Variants in NCKAP5 observed in about 807,000 individuals in gnomAD.
NCKAP5 encodes NCK associated protein 5, also known as nck-associated protein 5.
A neutral mutation model predicts 167.0 loss-of-function variants in NCKAP5; 92 were observed. The observed-to-expected ratio is 0.55, with a 90% CI of 0.47 to 0.66. NCKAP5 has a LOEUF of 0.66. Among genes scored for constraint, NCKAP5 ranks in the 30% least tolerant of loss-of-function variants. The pLI is 0.00. For missense variants in NCKAP5, 2,378 were observed against 2,315.0 expected, an observed-to-expected ratio of 1.03 and a Z score of -0.56; for synonymous variants, 891 against 877.4, an observed-to-expected ratio of 1.02 and a Z score of -0.27.
intron 7 of NCKAP5, among the ~76,000 whole-genome samples, chr2:132,973,358 A>G (rs2076889151): frequency 6.6e-6 from 1 of 152,196 alleles, no homozygotes; most frequent in Admixed American, 6.5e-5. Context: ...ATCTAGCCCC[A>G]TTTTCAGTAA....
intron 2 of NCKAP5, among the ~76,000 whole-genome samples, chr2:133,546,330 CG>C (rs1338402562): frequency 6.6e-6 from 1 of 152,126 alleles, no homozygotes; most frequent in East Asian, 1.9e-4. Flanking sequence ...ATTTTCAAAA[CG>C]GTAGAAAGGG....
At chr2:133,287,193 A>C (rs969626311) in intron 4 of NCKAP5, among the ~76,000 whole-genome samples, 7 of 152,138 alleles carry the variant, frequency 4.6e-5, no homozygotes, top group Non-Finnish European at 1.0e-4. Flanking sequence ...TGTCAAGCAA[A>C]CATCTCCAAT....
chr2:132,946,632 C>G (rs916359893), intron 8 of NCKAP5, among the ~76,000 whole-genome samples: 1 of 152,144 alleles, frequency 6.6e-6, no homozygotes, highest in Non-Finnish European at 1.5e-5. Context: ...TGCTGTGGCT[C>G]ACACCGGTAA....
Position 132,783,852 on chromosome 2 carries a change from C to T in NCKAP5, c.2959G>A (p.Ala987Thr). Residue 987 changes from alanine (A) to threonine (T), a missense_variant, in exon 14 of 20, where the codon GCC (alanine) becomes ACC (threonine). Around this residue, in one of 3 missense-constraint regions of NCKAP5, gnomAD observed 1,325 missense variants for 1,274.5 expected, o/e 1.04. Coordinates refer to ENST00000409261, the MANE Select transcript of NCKAP5 (RefSeq NM_207363.3). Reference sequence around the variant, plus strand: ...TTCTTCCTCTGCACTTCTGTCGTGGCCGGATTAGAAGAAATAACTGGAGCA... The same window carrying T: ...TTCTTCCTCTGCACTTCTGTCGTGGTCGGATTAGAAGAAATAACTGGAGCA... ...ISAPVISSNP[A>T]TTEVQRKKPS... The T allele has an allele frequency of 1.3e-6, 2 of 1,529,994 alleles. No individual in the cohort carries two copies. The highest frequency in any genetic ancestry group is 1.8e-6 in the Non-Finnish European group (2 of 1,140,486). 94.8% of individuals were successfully genotyped at this position (1,529,994 alleles called of 1,614,324 possible).
the NCKAP5 span, among the ~76,000 whole-genome samples, chr2:133,610,172 C>A: frequency 6.6e-6 from 1 of 152,050 alleles, no homozygotes; most frequent in Non-Finnish European, 1.5e-5. Flanking sequence ...TCCTTAATAC[C>A]ATGAGAAAGA....
chr2:133,471,769 C>G (rs534785874), intron 3 of NCKAP5, among the ~76,000 whole-genome samples: 1 of 152,124 alleles, frequency 6.6e-6, no homozygotes, highest in Non-Finnish European at 1.5e-5. Flanking sequence ...CTCCCCTTGT[C>G]CTGACCAAAT....
chr2:132,865,728 G>A (rs1444235040), intron 10 of NCKAP5, among the ~76,000 whole-genome samples: 2 of 152,192 alleles, frequency 1.3e-5, no homozygotes, highest in African/African-American at 4.8e-5. Context: ...GAGGAAGAAT[G>A]AGGGAGTGGG....
chr2:133,466,966 T>G (rs988517863), intron 3 of NCKAP5, among the ~76,000 whole-genome samples: 2 of 152,162 alleles, frequency 1.3e-5, no homozygotes, highest in African/African-American at 4.8e-5. Context: ...CAGGGACAAT[T>G]TGACTTCCTC....
intron 6 of NCKAP5, among the ~76,000 whole-genome samples, chr2:133,085,684 T>C (rs1170119893): frequency 6.6e-6 from 1 of 152,154 alleles, no homozygotes; most frequent in Non-Finnish European, 1.5e-5. Context: ...GCATGTGTTA[T>C]AGGTCCTTGA....
At chr2:132,893,233 T>C (rs1692868220) in intron 8 of NCKAP5, among the ~76,000 whole-genome samples, 1 of 152,182 alleles carries the variant, frequency 6.6e-6, no homozygotes. Flanking sequence ...ACACCCATTT[T>C]AGGATACTTT....
intron 3 of NCKAP5, among the ~76,000 whole-genome samples, chr2:133,498,252 G>A (rs1195213192): frequency 6.6e-6 from 1 of 152,148 alleles, no homozygotes; most frequent in Non-Finnish European, 1.5e-5. Context: ...GTTAGGGTCA[G>A]AGCAAACTGC....
chr2:132,758,016 T>C (rs948954657), intron 16 of NCKAP5, among the ~76,000 whole-genome samples: 4 of 152,182 alleles, frequency 2.6e-5, no homozygotes, highest in Non-Finnish European at 5.9e-5. Context: ...AACTTCCCCC[T>C]TTCCTCCACC....
rs549539709 is a variant in NCKAP5, at chr2:133,128,584, ATCTC to A, written c.341+1390_341+1393del. On this transcript the variant is annotated intron_variant, in intron 6 of 19. Transcript: ENST00000409261. ...ATTCTTTGAAAGAGAGATTCTAGTG[ATCTC>A]TCTCTCTCTCTTTTTTTTTTTGTTT... Among the ~76,000 whole-genome samples, 578 of 149,946 alleles carry A rather than the reference ATCTC, an allele frequency of 3.9e-3. 1 individual carries two copies. The highest frequency in any genetic ancestry group is 6.8e-3 in the Middle Eastern group (2 of 294).
rs1351842122 is a variant in NCKAP5 at position 132,949,389 on chromosome 2, C to G, written c.579+14331G>C. Among the ~76,000 whole-genome samples the G allele has an allele frequency of 2.0e-5, 3 of 152,150 alleles. No homozygotes were observed. The East Asian group carries it at 5.8e-4, about 29-fold the overall frequency. The stretch of plus-strand genomic sequence containing the variant: ...CCACACCACCTCCAACCAGCTCTCT[C>G]TCACTCTCACATGAAGGGCCCCTGT... On this transcript the variant is annotated intron_variant, in intron 8 of 19. Coordinates refer to ENST00000409261, the MANE Select transcript of NCKAP5 (RefSeq NM_207363.3).
intron 4 of NCKAP5, among the ~76,000 whole-genome samples, chr2:133,247,893 T>C (rs1362419033): frequency 6.6e-6 from 1 of 152,220 alleles, no homozygotes; most frequent in African/African-American, 2.4e-5. Context: ...TATTTTCATA[T>C]GTGACTATAC....
intron 16 of NCKAP5, among the ~76,000 whole-genome samples, chr2:132,748,466 G>A (rs1055810438): frequency 6.6e-6 from 1 of 152,124 alleles, no homozygotes; most frequent in African/African-American, 2.4e-5. Context: ...TGAGTTTATG[G>A]CAACACTTTT....
chr2:133,439,490 T>G (rs1690699035), intron 3 of NCKAP5, among the ~76,000 whole-genome samples: 1 of 152,232 alleles, frequency 6.6e-6, no homozygotes, highest in Non-Finnish European at 1.5e-5. Flanking sequence ...CAATGCCGTT[T>G]ATTTACATGA....
intron 3 of NCKAP5, among the ~76,000 whole-genome samples, chr2:133,512,203 A>G (rs1344083810): frequency 6.6e-6 from 1 of 152,188 alleles, no homozygotes; most frequent in Non-Finnish European, 1.5e-5. Context: ...AACATACTCT[A>G]TGTCAATATT....
intron 19 of NCKAP5, among the ~76,000 whole-genome samples, chr2:132,693,957 C>A (rs951799918): frequency 6.6e-6 from 1 of 151,970 alleles, no homozygotes; most frequent in African/African-American, 2.4e-5. Context: ...TCGTTTATGG[C>A]AGCTCCTGGG....
Sources: gnomAD v4.1 joint callset for allele counts (sites outside exome capture counted in the v4.1 genomes callset) on GRCh38, gnomAD v4.1.1 for gene constraint, gnomAD v4.1.1 regional missense constraint, MANE v1.5 for transcripts, NCBI Gene and HGNC (gene_info 2026-07-23, HGNC 2026-07-21) for gene names.